Variants in NUP133 observed in about 807,000 individuals in gnomAD.
NUP133 encodes nucleoporin 133.
A neutral mutation model predicts 146.2 loss-of-function variants in NUP133; 66 were observed. The ratio of observed to expected loss-of-function variants is 0.45; its 90% CI spans 0.37 to 0.55. The LOEUF (loss-of-function observed/expected upper bound fraction) is 0.55, where lower values mean the gene tolerates loss of function less well. Among genes scored for constraint, NUP133 ranks in the 20% least tolerant of loss-of-function variants. The probability of loss-of-function intolerance (pLI) is 0.00; values close to 1 mark genes in which losing one functional copy is unlikely to be tolerated. For synonymous variants in NUP133, 521 were observed against 498.8 expected, an observed-to-expected ratio of 1.04 and a Z score of -0.59; for missense variants, 1,277 against 1,374.8, an observed-to-expected ratio of 0.93 and a Z score of 1.12.
chr1:229,485,787 A>G (rs1384511025), intron 11 of NUP133, among the ~76,000 whole-genome samples: 1 of 152,234 alleles, frequency 6.6e-6, no homozygotes, highest in Non-Finnish European at 1.5e-5. Context: ...GATGAGGAAG[A>G]TAAAAAGAAC....
At chr1:229,487,374 C>G (rs1661380142) in intron 10 of NUP133, 92 bp downstream of exon 10, 2 of 1,222,452 alleles carry the variant, frequency 1.6e-6, no homozygotes, top group South Asian at 2.7e-5. Context: ...TTGAAAGCAG[C>G]ATGCTTGAAG....
intron 24 of NUP133, among the ~76,000 whole-genome samples, chr1:229,446,865 G>C (rs978867946): frequency 6.6e-6 from 1 of 152,078 alleles, no homozygotes; most frequent in Non-Finnish European, 1.5e-5. Flanking sequence ...GGTGGCTCAC[G>C]TCTGTAATCC....
rs1031815404 is a variant in NUP133 at position 229,454,892 on chromosome 1, A to T, written c.2981-2249T>A. 5.9e-5 allele frequency among the ~76,000 whole-genome samples: 9 copies of T among 152,362 alleles called. No individual in the cohort carries two copies. The East Asian group carries it at 1.5e-3, about 26-fold the overall frequency. On this transcript the variant is annotated intron_variant, in intron 21 of 25. Coordinates refer to ENST00000261396, the MANE Select transcript of NUP133 (RefSeq NM_018230.3). ...AAAAAGATTGAAGGAAGATTATCCCAAACAGTAAAAAATAATTTTAATAAA... is the reference window on the plus strand; with the variant it reads ...AAAAAGATTGAAGGAAGATTATCCCTAACAGTAAAAAATAATTTTAATAAA...
chr1:229,463,514 T>A (rs975557387), intron 19 of NUP133, 29 bp downstream of exon 19: 14 of 1,589,066 alleles, frequency 8.8e-6, no homozygotes, highest in Non-Finnish European at 1.2e-5. Context: ...ACTAAAGGAC[T>A]CAGTGGCCAC....
chr1:229,480,716 C>T (rs1319398927), intron 12 of NUP133, among the ~76,000 whole-genome samples: 1 of 152,092 alleles, frequency 6.6e-6, no homozygotes, highest in Non-Finnish European at 1.5e-5. Context: ...TGCTGTTAAA[C>T]AGCTTACAAT....
chr1:229,501,250 T>C (rs1033533320), intron 3 of NUP133, among the ~76,000 whole-genome samples: 1 of 152,216 alleles, frequency 6.6e-6, no homozygotes, highest in Non-Finnish European at 1.5e-5. Flanking sequence ...AGAGTAATTA[T>C]ACCAAGTTAC....
chr1:229,476,182 C>T (rs891933184), intron 13 of NUP133, among the ~76,000 whole-genome samples: 2 of 150,740 alleles, frequency 1.3e-5, no homozygotes, highest in African/African-American at 4.9e-5. Context: ...TTGTTTATAA[C>T]GTTACTCAGG....
In NUP133 at chr1:229,477,737, A is replaced by G; in HGVS notation, c.1616T>C (p.Met539Thr). 6.2e-7 allele frequency: 1 copy of G among 1,613,532 alleles called. No homozygotes were observed. Among genetic ancestry groups the G allele is most frequent in the African/African-American group, 1.3e-5 (1 of 74,998 alleles). ...YCRKDLGHAQ[M>T]VVDELFSSHS... is the part of the protein sequence containing the mutation. ...AGAGGAAAAGAGCTCATCAACCACC[A>G]TTTGAGCATGACCTAAATCTTTTCT... The change falls in exon 13 of 26, where the codon ATG becomes ACG. Residue 539 changes from methionine (M) to threonine (T), a missense_variant. By Grantham distance (81) the Met-to-Thr change is moderately conservative (BLOSUM62 -1). Transcript: ENST00000261396.
intron 12 of NUP133, 112 bp from the exon 13 acceptor site, chr1:229,477,872 T>C: frequency 1.3e-6 from 1 of 750,272 alleles, no homozygotes; most frequent in Non-Finnish European, 2.1e-6. Flanking sequence ...AATGCGATCC[T>C]GTCATTCGCA....
chr1:229,491,044 T>C (rs1055113129), intron 8 of NUP133, among the ~76,000 whole-genome samples: 2 of 152,130 alleles, frequency 1.3e-5, no homozygotes, highest in Non-Finnish European at 2.9e-5. Context: ...AAATCTGACT[T>C]TAAAAAAAGA....
chr1:229,460,226 C>T (rs945506213), intron 20 of NUP133, among the ~76,000 whole-genome samples: 5 of 152,182 alleles, frequency 3.3e-5, no homozygotes, highest in Non-Finnish European at 7.3e-5. Flanking sequence ...GACAAGGCCT[C>T]ACTCTGTTGC....
At chr1:229,472,017 A>G (rs528298539) in intron 14 of NUP133, among the ~76,000 whole-genome samples, 1 of 152,282 alleles carries the variant, frequency 6.6e-6, no homozygotes, top group African/African-American at 2.4e-5. Flanking sequence ...TGGTTCCCTC[A>G]AAAATATTTT....
chr1:229,502,797 TAAAA>T (rs776726500), intron 2 of NUP133, among the ~76,000 whole-genome samples: 1 of 124,926 alleles, frequency 8.0e-6, no homozygotes, highest in Non-Finnish European at 1.8e-5. Context: ...CTCTCTCTCT[TAAAA>T]AAAAAAAAAA....
chr1:229,473,450 C>T (rs753865960), intron 14 of NUP133, among the ~76,000 whole-genome samples: 1 of 152,140 alleles, frequency 6.6e-6, no homozygotes, highest in African/African-American at 2.4e-5. Flanking sequence ...AGCCGTGGAA[C>T]TTCGTGAGGG....
At chr1:229,443,717 T>C (rs1326439205) in intron 25 of NUP133, among the ~76,000 whole-genome samples, 1 of 147,876 alleles carries the variant, frequency 6.8e-6, no homozygotes, top group Non-Finnish European at 1.5e-5. Flanking sequence ...TACACACACA[T>C]ATATAATTTT....
At chr1:229,473,627 C>T (rs1039141691) in intron 14 of NUP133, among the ~76,000 whole-genome samples, 1 of 152,120 alleles carries the variant, frequency 6.6e-6, no homozygotes, top group East Asian at 1.9e-4. Context: ...CTCTTCCCAT[C>T]GAGAGGTACA....
At chr1:229,448,584 G>C (rs796139869) in intron 24 of NUP133, among the ~76,000 whole-genome samples, 1 of 152,108 alleles carries the variant, frequency 6.6e-6, no homozygotes, top group East Asian at 1.9e-4. Context: ...AGCAGCCCAC[G>C]CCGCTGCTCT....
intron 12 of NUP133, among the ~76,000 whole-genome samples, chr1:229,481,950 T>C (rs1050305480): frequency 2.0e-5 from 3 of 152,186 alleles, no homozygotes; most frequent in Non-Finnish European, 2.9e-5. Flanking sequence ...TGATTTGTTA[T>C]GGCAGCCACA....
intron 21 of NUP133, among the ~76,000 whole-genome samples, chr1:229,457,305 C>T (rs867925651): frequency 1.3e-5 from 2 of 152,106 alleles, no homozygotes; most frequent in Admixed American, 6.6e-5. Flanking sequence ...AATTCAAATT[C>T]AATAATACAG....
Sources: allele counts gnomAD v4.1 joint callset (sites outside exome capture counted in the v4.1 genomes callset), GRCh38; gene constraint gnomAD v4.1.1; transcripts MANE v1.5; gene names NCBI Gene and HGNC (gene_info 2026-07-23, HGNC 2026-07-21).